Variants in GOLT1A observed in about 807,000 individuals in gnomAD.
GOLT1A encodes vesicle transport protein GOT1A.
A neutral mutation model predicts 16.1 loss-of-function variants in GOLT1A; 10 were observed. The ratio of observed to expected loss-of-function variants is 0.62; its 90% CI spans 0.38 to 1.05. The LOEUF (loss-of-function observed/expected upper bound fraction) is 1.05, where lower values mean the gene tolerates loss of function less well. Ranked by LOEUF, GOLT1A falls within the 50% of genes least tolerant of loss-of-function variation. The probability of loss-of-function intolerance (pLI) is 0.01; values close to 1 mark genes in which losing one functional copy is unlikely to be tolerated. For missense variants in GOLT1A, 137 were observed against 165.7 expected, an observed-to-expected ratio of 0.83 and a Z score of 0.95; for synonymous variants, 60 against 67.9, an observed-to-expected ratio of 0.88 and a Z score of 0.57.
chr1:204,208,480 A>ATATATGTG (rs1557987391), intron 1 of GOLT1A, among the ~76,000 whole-genome samples: 3 of 68,114 alleles, frequency 4.4e-5, no homozygotes, highest in African/African-American at 1.5e-4. Context: ...GTGTGTGTAT[A>ATATATGTG]TATATATATA....
chr1:204,207,655 C>A (rs534416493), intron 1 of GOLT1A, among the ~76,000 whole-genome samples: 9 of 152,218 alleles, frequency 5.9e-5, no homozygotes, highest in Admixed American at 1.3e-4. Context: ...GCCTCAGGCA[C>A]GCAGTGAGTC....
In GOLT1A at chr1:204,204,870, T is replaced by C. The variant is rs73071999; in HGVS notation, c.26-1883A>G. Among the ~76,000 whole-genome samples the C allele has an allele frequency of 4.6e-3, 696 of 152,152 alleles. 6 individuals carry two copies. Among genetic ancestry groups the C allele is most frequent in the African/African-American group, 0.016 (674 of 41,372 alleles). ...TTTTGATAGCAGCCATGCTAATGGG[T>C]ATAAGGTAGTATACATTGTGGTTTT... On this transcript the variant is annotated intron_variant, in intron 1 of 4. Transcript: ENST00000308302.
At position 204,200,820 on chromosome 1, in the gene GOLT1A, G is replaced by A. The variant is rs941715106; in HGVS notation, c.296+813C>T. 2.6e-5 allele frequency among the ~76,000 whole-genome samples: 4 copies of A among 152,264 alleles called. No homozygotes were observed. The East Asian group carries it at 7.7e-4, about 29-fold the overall frequency. ...AGCCCCACACCTTTCCATGATTGCA[G>A]AAGCCATCATTCTTCCAGGGTCCAT... On this transcript the variant is annotated intron_variant, in intron 3 of 4. Transcript: ENST00000308302.
intron 3 of GOLT1A, 138 bp from the exon 4 acceptor site, chr1:204,199,396 T>A (rs1658916033): frequency 1.4e-6 from 1 of 692,908 alleles, no homozygotes; most frequent in Non-Finnish European, 2.6e-6. Context: ...CACTCCTGTG[T>A]TCCGAGAGAC....
At chr1:204,198,568 T>C in intron 4 of GOLT1A, 72 bp from the exon 5 acceptor site, 4 of 1,443,016 alleles carry the variant, frequency 2.8e-6, no homozygotes, top group Non-Finnish European at 3.8e-6. Flanking sequence ...ATTACAGAGC[T>C]GGCCTTGAGA....
In GOLT1A at chr1:204,202,956, G is replaced by T. The variant is rs768727398; in HGVS notation, c.57C>A (p.Ile19=). The change falls in exon 2 of 5, where the codon ATC becomes ATA. Residue 19 remains isoleucine (I), a synonymous_variant. Transcript: ENST00000308302. ...KIGVGITGFG[I]FFILFGTLLY... ...GGAGTGTTCCAAAGAGGATGAAGAA[G>T]ATGCCGAAACCGGTGATCCCCACAC... is the stretch of plus-strand genomic sequence containing the variant. 1 of 1,614,122 alleles carries T rather than the reference G, an allele frequency of 6.2e-7. No individual in the cohort carries two copies. Among genetic ancestry groups the T allele is most frequent in the Non-Finnish European group, 8.5e-7 (1 of 1,180,002 alleles).
chr1:204,199,688 G>T lies in GOLT1A; in HGVS notation c.297-430C>A, dbSNP rs141785701. On this transcript the variant is annotated intron_variant, in intron 3 of 4. Coordinates refer to ENST00000308302, the MANE Select transcript of GOLT1A (RefSeq NM_198447.2). ...TCTCTTCCTGAGATCCACCTGCCCC[G>T]GGTGTCCTGGGCCCTGGGCGTCGGG... Among the ~76,000 whole-genome samples the T allele has an allele frequency of 2.0e-5, 3 of 152,194 alleles. No individual in the cohort carries two copies. The East Asian group carries it at 5.8e-4, about 29-fold the overall frequency.
rs75019275 is a variant in GOLT1A, at chr1:204,207,062, C to T, written c.26-4075G>A. Among the ~76,000 whole-genome samples the T allele has an allele frequency of 4.1e-3, 626 of 152,352 alleles. 2 individuals are homozygous for T. The highest frequency in any genetic ancestry group is 4.6e-3 in the Non-Finnish European group (316 of 68,024). On this transcript the variant is annotated intron_variant, in intron 1 of 4. Coordinates refer to ENST00000308302, the MANE Select transcript of GOLT1A (RefSeq NM_198447.2). ...GTTTCTCACACACAAGCTTCAGACC[C>T]GCCTTTGCCTCTTGCTTCTGGAGTA...
At chr1:204,213,141 A>G (rs1659165122) in intron 1 of GOLT1A, among the ~76,000 whole-genome samples, 1 of 152,114 alleles carries the variant, frequency 6.6e-6, no homozygotes, top group African/African-American at 2.4e-5. Flanking sequence ...AGGACTTATC[A>G]TCTTCTGATA....
rs369989099 is a variant in GOLT1A at position 204,203,018 on chromosome 1, G to A, written c.26-31C>T. ...ATGGGCAAGGAGGTGGTGGAGGAAA[G>A]GGCTTTGGGGAGCAGGTGGGGACCC... On this transcript the variant is annotated intron_variant, in intron 1 of 4. Transcript: ENST00000308302. The A allele has an allele frequency of 5.5e-5, 87 of 1,583,728 alleles. No homozygotes were observed. In the African/African-American group the frequency reaches 1.0e-3, roughly 18 times the overall value.
chr1:204,207,647 C>T (rs1352822786), intron 1 of GOLT1A, among the ~76,000 whole-genome samples: 1 of 152,212 alleles, frequency 6.6e-6, no homozygotes, highest in Non-Finnish European at 1.5e-5. Flanking sequence ...TCCTTCTGGC[C>T]TCAGGCACGC....
At chr1:204,204,405 T>G (rs1441898689) in intron 1 of GOLT1A, among the ~76,000 whole-genome samples, 3 of 152,192 alleles carry the variant, frequency 2.0e-5, no homozygotes, top group East Asian at 1.9e-4. Context: ...AATATTTGTC[T>G]TTTTGTGACT....
At chr1:204,213,182 T>G (rs1168514080) in intron 1 of GOLT1A, among the ~76,000 whole-genome samples, 2 of 152,192 alleles carry the variant, frequency 1.3e-5, no homozygotes, top group Non-Finnish European at 2.9e-5. Context: ...TAATTACCTG[T>G]CTCCCCTCTC....
chr1:204,213,125 A>T (rs1163868703), intron 1 of GOLT1A, among the ~76,000 whole-genome samples: 1 of 152,080 alleles, frequency 6.6e-6, no homozygotes, highest in African/African-American at 2.4e-5. Flanking sequence ...TTTTATTTTC[A>T]TCTGGAGGAC....
rs1330125927 is a variant in GOLT1A at position 204,198,394 on chromosome 1, GT to G, written c.*63del. On this transcript the variant is annotated 3_prime_UTR_variant, in exon 5 of 5. Transcript: ENST00000308302. ...GTCAGTGCAGGGGACTGAGGGGGTG[GT>G]TCCCATTCTCCCTCTAGCCCCCTCA... 6.9e-7 allele frequency: 1 copy of G among 1,448,686 alleles called. No homozygotes were observed. Among genetic ancestry groups the G allele is most frequent in the Admixed American group, 1.7e-5 (1 of 59,420 alleles). 89.7% of individuals were successfully genotyped at this position (1,448,686 alleles called of 1,614,324 possible). A position where few individuals can be genotyped will look rare whatever the true frequency, so the allele number is the denominator to read the frequency against.
chr1:204,207,777 T>C (rs1477641856), intron 1 of GOLT1A, among the ~76,000 whole-genome samples: 3 of 152,284 alleles, frequency 2.0e-5, no homozygotes, highest in Non-Finnish European at 4.4e-5. Flanking sequence ...CATTTGAAAG[T>C]AGTTGCCACC....
rs375332550 is a variant in GOLT1A, at chr1:204,206,911, C to A, written c.26-3924G>T. Among the ~76,000 whole-genome samples, 26 of 152,324 alleles carry A rather than the reference C, an allele frequency of 1.7e-4. 1 individual carries two copies. Among genetic ancestry groups the A allele is most frequent in the African/African-American group, 6.3e-4 (26 of 41,594 alleles). ...ATCCCTCCTCCACCTGTTCTACACT[C>A]TTCTTTAAGGGCAGATGCAATTCCA... On this transcript the variant is annotated intron_variant, in intron 1 of 4. Coordinates refer to ENST00000308302, the MANE Select transcript of GOLT1A (RefSeq NM_198447.2).
chr1:204,201,247 G>A (rs1420920357), intron 3 of GOLT1A, among the ~76,000 whole-genome samples: 1 of 152,234 alleles, frequency 6.6e-6, no homozygotes, highest in Non-Finnish European at 1.5e-5. Context: ...CCTTATCTAT[G>A]AAGTAGAGGA....
rs377753319 is a variant in GOLT1A at position 204,201,827 on chromosome 1, G to A, written c.118-16C>T. ...GGAACAGCAGCTGTAGGGGAGGGAG[G>A]GGAGCATGAAGCAAACCCACCAGCC... On this transcript the variant is annotated splice_polypyrimidine_tract_variant and intron_variant, in intron 2 of 4. Coordinates refer to ENST00000308302, the MANE Select transcript of GOLT1A (RefSeq NM_198447.2). 3.7e-6 allele frequency: 6 copies of A among 1,612,260 alleles called. No individual in the cohort carries two copies. The highest frequency in any genetic ancestry group is 5.1e-6 in the Non-Finnish European group (6 of 1,179,066).
Sources: gnomAD v4.1 joint callset for allele counts (sites outside exome capture counted in the v4.1 genomes callset) on GRCh38, gnomAD v4.1.1 for gene constraint, MANE v1.5 for transcripts, NCBI Gene and HGNC (gene_info 2026-07-23, HGNC 2026-07-21) for gene names.